HPSE2: variants seen among roughly 807,000 people sequenced by gnomAD.
The protein encoded by HPSE2 is inactive heparanase-2.
Under a neutral mutation model 60.5 loss-of-function variants are expected in HPSE2, and 38 were observed. That is an observed-to-expected ratio of 0.63 (90% confidence interval 0.48 to 0.82). HPSE2 has a LOEUF of 0.82. Ranked by LOEUF, HPSE2 falls within the 40% of genes least tolerant of loss-of-function variation. The probability of loss-of-function intolerance (pLI) is 0.00; values close to 1 mark genes in which losing one functional copy is unlikely to be tolerated. For synonymous variants in HPSE2, 295 were observed against 293.2 expected, an observed-to-expected ratio of 1.01 and a Z score of -0.06; for missense variants, 713 against 740.4, an observed-to-expected ratio of 0.96 and a Z score of 0.43.
chr10:98,937,163 A>C (rs1364356021), intron 3 of HPSE2, among the ~76,000 whole-genome samples: 1 of 143,876 alleles, frequency 7.0e-6, no homozygotes, highest in Admixed American at 6.9e-5. Flanking sequence ...AGCGACACAG[A>C]ACACGGGTGA....
At chr10:99,205,306 A>T (rs933002623) in intron 2 of HPSE2, among the ~76,000 whole-genome samples, 1 of 152,142 alleles carries the variant, frequency 6.6e-6, no homozygotes, top group African/African-American at 2.4e-5. Context: ...GAAAAAAAAT[A>T]GGCCAGGTGT....
At chr10:98,662,046 C>G (rs1947238429) in intron 6 of HPSE2, among the ~76,000 whole-genome samples, 1 of 152,166 alleles carries the variant, frequency 6.6e-6, no homozygotes, top group Admixed American at 6.5e-5. Context: ...AGGCGCGTGC[C>G]ACCATGCCCG....
intron 9 of HPSE2, among the ~76,000 whole-genome samples, chr10:98,607,512 A>G (rs1945627941): frequency 6.6e-6 from 1 of 152,144 alleles, no homozygotes; most frequent in Non-Finnish European, 1.5e-5. Context: ...TGGGGCTAGT[A>G]TTGCAGCCTG....
chr10:98,516,555 A>G (rs937874934), intron 9 of HPSE2, among the ~76,000 whole-genome samples: 1 of 152,234 alleles, frequency 6.6e-6, no homozygotes, highest in African/African-American at 2.4e-5. Context: ...TTAAAAATTC[A>G]GAGCCACTAC....
intron 3 of HPSE2, among the ~76,000 whole-genome samples, chr10:98,917,159 C>T (rs568154885): frequency 2.0e-5 from 3 of 152,244 alleles, no homozygotes; most frequent in Non-Finnish European, 4.4e-5. Flanking sequence ...AACTTACATG[C>T]AGACCACCCT....
At chr10:99,171,888 T>C (rs1004316682) in intron 2 of HPSE2, among the ~76,000 whole-genome samples, 1 of 152,148 alleles carries the variant, frequency 6.6e-6, no homozygotes, top group African/African-American at 2.4e-5. Context: ...ATGTTTATAT[T>C]CCTGACTTAT....
At chr10:99,006,953 G>T (rs944459915) in intron 3 of HPSE2, among the ~76,000 whole-genome samples, 1 of 152,184 alleles carries the variant, frequency 6.6e-6, no homozygotes, top group Admixed American at 6.5e-5. Context: ...AGCTGGCCTG[G>T]GGCTAGGTGG....
chr10:98,594,547 G>A (rs1047431338), intron 9 of HPSE2, among the ~76,000 whole-genome samples: 2 of 152,074 alleles, frequency 1.3e-5, no homozygotes, highest in African/African-American at 4.8e-5. Context: ...GTGCCATCAT[G>A]TGGTATTTGT....
chr10:99,103,484 G>C (rs982152684), intron 3 of HPSE2, among the ~76,000 whole-genome samples: 4 of 152,052 alleles, frequency 2.6e-5, no homozygotes, highest in African/African-American at 4.8e-5. Context: ...AAATAAAAGA[G>C]GATACAAACA....
At chr10:98,602,686 T>C (rs902955959) in intron 9 of HPSE2, among the ~76,000 whole-genome samples, 4 of 152,116 alleles carry the variant, frequency 2.6e-5, no homozygotes, top group African/African-American at 9.7e-5. Flanking sequence ...TCAATAAAAG[T>C]GCCAAGATGA....
intron 9 of HPSE2, among the ~76,000 whole-genome samples, chr10:98,580,268 A>G: frequency 6.6e-6 from 1 of 152,032 alleles, no homozygotes; most frequent in Non-Finnish European, 1.5e-5. Flanking sequence ...GGCCCTTCAA[A>G]TATCAAGACT....
At chr10:98,943,507 G>C (rs557862606) in intron 3 of HPSE2, among the ~76,000 whole-genome samples, 1 of 152,158 alleles carries the variant, frequency 6.6e-6, no homozygotes, top group Non-Finnish European at 1.5e-5. Flanking sequence ...TCATAGCCCT[G>C]TGTAGTACCC....
chr10:98,946,866 C>T (rs1688840884), intron 3 of HPSE2, among the ~76,000 whole-genome samples: 1 of 152,034 alleles, frequency 6.6e-6, no homozygotes, highest in South Asian at 2.1e-4. Context: ...GTTAAAACAC[C>T]ATGTGAGGCT....
intron 3 of HPSE2, among the ~76,000 whole-genome samples, chr10:98,809,816 T>C (rs927846061): frequency 4.6e-5 from 7 of 152,128 alleles, no homozygotes; most frequent in Admixed American, 1.3e-4. Context: ...ATAAGTTTAT[T>C]TGATGTATTC....
At chr10:98,792,154 G>A (rs1411201648) in intron 3 of HPSE2, among the ~76,000 whole-genome samples, 1 of 151,422 alleles carries the variant, frequency 6.6e-6, no homozygotes, top group Non-Finnish European at 1.5e-5. Flanking sequence ...ATTGTTTCAG[G>A]TGGATAGGTA....
chr10:99,037,917 C>A (rs10786500), intron 3 of HPSE2, among the ~76,000 whole-genome samples: 1 of 151,804 alleles, frequency 6.6e-6, no homozygotes, highest in African/African-American at 2.4e-5. Flanking sequence ...GAGATACAGA[C>A]GACAAATAAG....
chr10:99,030,837 G>A (rs1032795351), intron 3 of HPSE2, among the ~76,000 whole-genome samples: 7 of 152,126 alleles, frequency 4.6e-5, no homozygotes, highest in East Asian at 1.9e-4. Flanking sequence ...GCAATAACAC[G>A]GATGAAATGA....
At chr10:98,884,981 A>G (rs1235650614) in intron 3 of HPSE2, among the ~76,000 whole-genome samples, 2 of 152,314 alleles carry the variant, frequency 1.3e-5, no homozygotes, top group African/African-American at 2.4e-5. Context: ...ATAGGCAGTG[A>G]TTCCTCTGAT....
Position 99,138,129 on chromosome 10 carries a change from CAT to C in HPSE2, c.610+6107_610+6108del, listed in dbSNP as rs1204958936. Among the ~76,000 whole-genome samples the C allele has an allele frequency of 9.1e-4, 139 of 152,258 alleles. 1 individual carries two copies. Among genetic ancestry groups the C allele is most frequent in the Non-Finnish European group, 2.8e-4 (19 of 68,020 alleles). On this transcript the variant is annotated intron_variant, in intron 3 of 11. Transcript: ENST00000370552. Reference sequence around the variant, plus strand: ...AGAAGACATTTATGCAGCTAACAGACATATGAAAAAATGCTCATCATCACTGG... The same window carrying C: ...AGAAGACATTTATGCAGCTAACAGACATGAAAAAATGCTCATCATCACTGG...
Sources: gnomAD v4.1 joint callset for allele counts (sites outside exome capture counted in the v4.1 genomes callset) on GRCh38, gnomAD v4.1.1 for gene constraint, MANE v1.5 for transcripts, NCBI Gene and HGNC (gene_info 2026-07-23, HGNC 2026-07-21) for gene names.